CNTLN: variants seen among roughly 807,000 people sequenced by gnomAD.
CNTLN encodes centlein.
CNTLN carries 212 observed loss-of-function variants against 180.0 expected under a neutral mutation model. The observed-to-expected ratio is 1.18, with a 90% CI of 1.05 to 1.32. The LOEUF (loss-of-function observed/expected upper bound fraction) is 1.32. CNTLN is among the 40% of genes most tolerant of loss of function. The pLI is 0.00. For synonymous variants in CNTLN, 722 were observed against 563.1 expected, an observed-to-expected ratio of 1.28 and a Z score of -3.99; for missense variants, 2,095 against 1,610.9, an observed-to-expected ratio of 1.30 and a Z score of -5.14.
In CNTLN at chr9:17,198,386, CTT is replaced by C. The variant is rs61209273; in HGVS notation, c.450-27801_450-27800del. Among the ~76,000 whole-genome samples, 597 of 109,694 alleles carry C rather than the reference CTT, an allele frequency of 5.4e-3. 5 individuals carry two copies. Among genetic ancestry groups the C allele is most frequent in the African/African-American group, 0.019 (568 of 30,256 alleles). 72.0% of individuals were successfully genotyped at this position (109,694 alleles called of 152,430 possible). ...CAAGAACATGGAATGTCTTTTCTTT[CTT>C]TTTTTTTTTTTTTTTGTATTTTTCT... On this transcript the variant is annotated intron_variant, in intron 2 of 25. Transcript: ENST00000380647.
intron 2 of CNTLN, among the ~76,000 whole-genome samples, chr9:17,190,096 T>A (rs10962896): frequency 6.6e-6 from 1 of 150,526 alleles, no homozygotes; most frequent in Non-Finnish European, 1.5e-5. Context: ...CACAACTTAA[T>A]GAGACCCAGA....
At chr9:17,520,817 A>G in the CNTLN span, among the ~76,000 whole-genome samples, 1 of 152,216 alleles carries the variant, frequency 6.6e-6, no homozygotes, top group Admixed American at 6.5e-5. Context: ...GAAAAGCTCT[A>G]ATGCTAGTGG....
At chr9:17,321,514 G>C (rs868774390) in intron 8 of CNTLN, among the ~76,000 whole-genome samples, 1 of 152,092 alleles carries the variant, frequency 6.6e-6, no homozygotes, top group Admixed American at 6.6e-5. Context: ...CATAACAATT[G>C]TAGGAAGTAG....
intron 13 of CNTLN, among the ~76,000 whole-genome samples, chr9:17,373,092 C>G (rs1459677823): frequency 6.6e-6 from 1 of 152,150 alleles, no homozygotes; most frequent in African/African-American, 2.4e-5. Flanking sequence ...TGCCTACTTT[C>G]ACCACTGTTA....
chr9:17,170,958 T>C (rs1820385505), intron 2 of CNTLN, among the ~76,000 whole-genome samples: 1 of 152,208 alleles, frequency 6.6e-6, no homozygotes, highest in Admixed American at 6.5e-5. Flanking sequence ...TACAGGTTTG[T>C]AGCTTGAGAG....
At chr9:17,526,029 G>A in the CNTLN span, among the ~76,000 whole-genome samples, 1 of 152,090 alleles carries the variant, frequency 6.6e-6, no homozygotes, top group Non-Finnish European at 1.5e-5. Flanking sequence ...TCCGCCTCCC[G>A]GGTTCACGCC....
intron 18 of CNTLN, among the ~76,000 whole-genome samples, chr9:17,430,296 T>TAA (rs1829340629): frequency 6.6e-6 from 1 of 151,982 alleles, no homozygotes; most frequent in Non-Finnish European, 1.5e-5. Context: ...AACTACTCTT[T>TAA]TCAATTGTCA....
intron 12 of CNTLN, among the ~76,000 whole-genome samples, 156 bp downstream of exon 12, chr9:17,342,600 A>G (rs751266327): frequency 5.9e-5 from 9 of 152,232 alleles, no homozygotes; most frequent in Non-Finnish European, 1.3e-4. Flanking sequence ...TTAAAAATAT[A>G]TATATGTATT....
intron 5 of CNTLN, among the ~76,000 whole-genome samples, chr9:17,266,099 C>G (rs1361546092): frequency 6.6e-6 from 1 of 151,264 alleles, no homozygotes; most frequent in Non-Finnish European, 1.5e-5. Context: ...TGTGTTTGCT[C>G]TTGCTTCTCT....
chr9:17,208,904 C>T (rs1177778155), intron 2 of CNTLN, among the ~76,000 whole-genome samples: 1 of 151,900 alleles, frequency 6.6e-6, no homozygotes, highest in Non-Finnish European at 1.5e-5. Context: ...TTTTCAAAAA[C>T]CATCTTTTTC....
intron 18 of CNTLN, among the ~76,000 whole-genome samples, chr9:17,442,118 A>G (rs11788615): frequency 0.14 from 20,768 of 152,254 alleles, 1,692 homozygotes; most frequent in Non-Finnish European, 0.18. Flanking sequence ...CAATGGATAG[A>G]ACAAGATTAA....
At chr9:17,401,413 T>C (rs757536813) in intron 15 of CNTLN, among the ~76,000 whole-genome samples, 7 of 152,078 alleles carry the variant, frequency 4.6e-5, no homozygotes, top group Non-Finnish European at 1.0e-4. Context: ...AAGCTCTGTT[T>C]CCCAGGCTGG....
Position 17,260,375 on chromosome 9 carries a change from T to A in CNTLN, c.850-13358T>A, listed in dbSNP as rs1056136949. On this transcript the variant is annotated intron_variant, in intron 5 of 25. Coordinates refer to ENST00000380647, the MANE Select transcript of CNTLN (RefSeq NM_017738.4). ...ATAATTTCTGTTCTTTTACATTTGC[T>A]GAGGAGAGCTTTACTTCCAAATATG... is the stretch of plus-strand genomic sequence containing the variant. Among the ~76,000 whole-genome samples the A allele has an allele frequency of 3.3e-5, 5 of 151,390 alleles. No homozygotes were observed. The East Asian group carries it at 5.8e-4, about 18-fold the overall frequency.
At chr9:17,512,475 C>T in the CNTLN span, among the ~76,000 whole-genome samples, 1 of 152,124 alleles carries the variant, frequency 6.6e-6, no homozygotes, top group Non-Finnish European at 1.5e-5. Flanking sequence ...CAATGGTCCA[C>T]ATGGACATAA....
At chr9:17,417,961 A>G (rs1268091619) in intron 18 of CNTLN, among the ~76,000 whole-genome samples, 3 of 152,058 alleles carry the variant, frequency 2.0e-5, no homozygotes, top group African/African-American at 7.2e-5. Context: ...TAGAGAGAGT[A>G]TAGTATAGAT....
intron 10 of CNTLN, among the ~76,000 whole-genome samples, chr9:17,338,287 C>G (rs1821197849): frequency 6.7e-6 from 1 of 148,768 alleles, no homozygotes; most frequent in Non-Finnish European, 1.5e-5. Context: ...TCCTCAGCCT[C>G]CTGAGTAGCT....
At chr9:17,342,158 G>C (rs896513332) in intron 11 of CNTLN, among the ~76,000 whole-genome samples, 167 bp from the exon 12 acceptor site, 2 of 151,822 alleles carry the variant, frequency 1.3e-5, no homozygotes, top group East Asian at 3.9e-4. Context: ...TATGATAGAG[G>C]GTTTTGATTT....
chr9:17,406,191 A>C (rs1004010146), intron 15 of CNTLN, among the ~76,000 whole-genome samples: 1 of 151,818 alleles, frequency 6.6e-6, no homozygotes, highest in Non-Finnish European at 1.5e-5. Flanking sequence ...TCTGTCAGTC[A>C]TTACATCTAC....
intron 18 of CNTLN, among the ~76,000 whole-genome samples, chr9:17,432,221 C>T (rs1829459623): frequency 6.6e-6 from 1 of 152,002 alleles, no homozygotes; most frequent in African/African-American, 2.4e-5. Context: ...AAACAAAATC[C>T]TTCAATGGAA....
Sources: gnomAD v4.1 joint callset for allele counts (sites outside exome capture counted in the v4.1 genomes callset) on GRCh38, gnomAD v4.1.1 for gene constraint, MANE v1.5 for transcripts, NCBI Gene and HGNC (gene_info 2026-07-23, HGNC 2026-07-21) for gene names.